The following ABCA13 variants were observed in gnomAD, a reference collection of about 807,000 sequenced individuals.
The protein encoded by ABCA13 is ATP-binding cassette sub-family A member 13.
In ABCA13, 476 loss-of-function variants were observed where a neutral mutation model predicts 478.7. The observed-to-expected ratio is 0.99, with a 90% CI of 0.92 to 1.07. The LOEUF (loss-of-function observed/expected upper bound fraction) is 1.07, where lower values mean the gene tolerates loss of function less well. Among genes scored for constraint, ABCA13 ranks in the 50% least tolerant of loss-of-function variants. The pLI is 0.00. For missense variants in ABCA13, 6,060 were observed against 5,910.6 expected (o/e 1.03, Z -0.83); for synonymous variants, 2,252 against 2,158.9 (o/e 1.04, Z -1.20).
intron 26 of ABCA13, 134 bp from the exon 27 acceptor site, chr7:48,317,023 A>G: frequency 9.2e-7 from 1 of 1,088,440 alleles, no homozygotes; most frequent in Non-Finnish European, 1.3e-6. Flanking sequence ...AGCACTCCCA[A>G]AGTTCAGAGT....
intron 59 of ABCA13, among the ~76,000 whole-genome samples, chr7:48,641,776 C>T (rs1311577094): frequency 6.6e-6 from 1 of 152,166 alleles, no homozygotes; most frequent in African/African-American, 2.4e-5. Context: ...GGTGCTTCAC[C>T]TTGGGAAGCC....
chr7:48,362,409 C>CTTTTATTTTTTTTTTTTTTTTTT (rs1811006300), intron 31 of ABCA13, among the ~76,000 whole-genome samples: 1 of 86,010 alleles, frequency 1.2e-5, no homozygotes, highest in Non-Finnish European at 2.2e-5. Flanking sequence ...TCCTCTTCTT[C>CTTTTATTTTTTTTTTTTTTTTTT]TTTTTTTTTT....
chr7:48,447,048 C>A (rs1824398678), intron 42 of ABCA13, among the ~76,000 whole-genome samples: 1 of 152,188 alleles, frequency 6.6e-6, no homozygotes, highest in Non-Finnish European at 1.5e-5. Flanking sequence ...ATCAGAGCTA[C>A]TAAATAAACC....
chr7:48,431,921 A>G (rs903339455), intron 42 of ABCA13, among the ~76,000 whole-genome samples: 1 of 152,224 alleles, frequency 6.6e-6, no homozygotes, highest in African/African-American at 2.4e-5. Flanking sequence ...TGGCTTCTAC[A>G]TAGATGGCAG....
Position 48,597,037 on chromosome 7 carries a change from C to T in ABCA13, c.14744+2224C>T, listed in dbSNP as rs199601626. On this transcript the variant is annotated intron_variant, in intron 58 of 61. Coordinates refer to ENST00000435803, the MANE Select transcript of ABCA13 (RefSeq NM_152701.5). Reference sequence around the variant, plus strand: ...CACGATCTTGGCTCACTGCAAGCTCCGCCTCCTGGGTTCACGCCATTCTCC... The same window carrying T: ...CACGATCTTGGCTCACTGCAAGCTCTGCCTCCTGGGTTCACGCCATTCTCC... Among the ~76,000 whole-genome samples, 11 of 151,564 alleles carry T rather than the reference C, an allele frequency of 7.3e-5. No homozygotes were observed. The South Asian group carries it at 1.3e-3, about 17-fold the overall frequency.
chr7:48,592,386 A>C (rs1359487114), intron 57 of ABCA13, among the ~76,000 whole-genome samples: 1 of 151,908 alleles, frequency 6.6e-6, no homozygotes, highest in Non-Finnish European at 1.5e-5. Flanking sequence ...TGTGAATTTT[A>C]CAGTTTTCCT....
intron 59 of ABCA13, among the ~76,000 whole-genome samples, chr7:48,634,770 A>G (rs972990894): frequency 2.6e-5 from 4 of 152,226 alleles, no homozygotes; most frequent in Non-Finnish European, 5.9e-5. Flanking sequence ...TATTATTACT[A>G]TAAATGTTTC....
intron 55 of ABCA13, among the ~76,000 whole-genome samples, chr7:48,567,663 G>A (rs1787213373): frequency 6.6e-6 from 1 of 151,270 alleles, no homozygotes; most frequent in African/African-American, 2.4e-5. Context: ...TATAGTATTA[G>A]CATACATGTA....
chr7:48,285,997 G>C (rs889887008), intron 19 of ABCA13, among the ~76,000 whole-genome samples: 1 of 152,180 alleles, frequency 6.6e-6, no homozygotes, highest in African/African-American at 2.4e-5. Flanking sequence ...TGTCTACTCT[G>C]CATTTTATGT....
In ABCA13 at chr7:48,423,967, G is replaced by T. The variant is rs374102314; in HGVS notation, c.12460-3799G>T. On this transcript the variant is annotated intron_variant, in intron 41 of 61. Transcript: ENST00000435803. ...ACTTCTTTTGTATGAAAGTGGGAAG[G>T]TGTAGGTCTTATTTGGTCCATTTGA... Among the ~76,000 whole-genome samples, 12 of 152,312 alleles carry T rather than the reference G, an allele frequency of 7.9e-5. 1 individual carries two copies. The South Asian group carries it at 2.1e-3, about 26-fold the overall frequency.
chr7:48,447,124 G>C (rs1824406403), intron 42 of ABCA13, among the ~76,000 whole-genome samples: 1 of 152,152 alleles, frequency 6.6e-6, no homozygotes, highest in Admixed American at 6.6e-5. Flanking sequence ...ATTCCTGTGA[G>C]ATATTTAACA....
At chr7:48,638,478 T>G (rs754453298) in intron 59 of ABCA13, among the ~76,000 whole-genome samples, 2 of 152,224 alleles carry the variant, frequency 1.3e-5, no homozygotes, top group Non-Finnish European at 2.9e-5. Context: ...AGAGGTTTTC[T>G]TCTCCAGGAG....
chr7:48,336,690 AGCAGTGG>A (rs1280366964), intron 28 of ABCA13, among the ~76,000 whole-genome samples: 1 of 152,208 alleles, frequency 6.6e-6, no homozygotes, highest in East Asian at 1.9e-4. Flanking sequence ...TTCAGAGTGC[AGCAGTGG>A]GCCCTGCCAT....
chr7:48,576,404 A>G (rs1250060122), intron 55 of ABCA13, among the ~76,000 whole-genome samples: 1 of 152,174 alleles, frequency 6.6e-6, no homozygotes, highest in Non-Finnish European at 1.5e-5. Flanking sequence ...GAACCCTACC[A>G]GATTCTCCAT....
chr7:48,328,940 T>C (rs1334147731), intron 27 of ABCA13, among the ~76,000 whole-genome samples: 1 of 152,150 alleles, frequency 6.6e-6, no homozygotes, highest in Non-Finnish European at 1.5e-5. Context: ...GGGAGTGTAT[T>C]CGTGTGAAGT....
At chr7:48,503,132 G>C (rs944291756) in intron 48 of ABCA13, among the ~76,000 whole-genome samples, 1 of 152,118 alleles carries the variant, frequency 6.6e-6, no homozygotes, top group African/African-American at 2.4e-5. Context: ...TGTTGCCCAG[G>C]CTGGAATGCA....
Position 48,524,344 on chromosome 7 carries a change from C to T in ABCA13, c.14148C>T (p.Asp4716=), listed in dbSNP as rs763189076. ...KRVFEGRTNG[D]ILVLYNLSKH... ...TGTTTGAAGGAAGGACCAATGGAGA[C>T]ATTCTTGTGTTATACAACCTTAGTA... The change falls in exon 54 of 62, where the codon GAC becomes GAT. Residue 4716 remains aspartate (D), a synonymous_variant. Transcript: ENST00000435803. 6.2e-7 allele frequency: 1 copy of T among 1,613,092 alleles called. No homozygotes were observed.
chr7:48,608,963 T>C (rs959457042), intron 58 of ABCA13, among the ~76,000 whole-genome samples: 2 of 152,232 alleles, frequency 1.3e-5, no homozygotes, highest in East Asian at 3.8e-4. Context: ...GTTGTTGTTG[T>C]TGTTTTTCTT....
intron 24 of ABCA13, among the ~76,000 whole-genome samples, chr7:48,310,378 G>T (rs1361873760): frequency 6.6e-6 from 1 of 152,178 alleles, no homozygotes; most frequent in Non-Finnish European, 1.5e-5. Context: ...GGAAATAAGT[G>T]TCAGGGCATT....
Sources: allele counts gnomAD v4.1 joint callset (sites outside exome capture counted in the v4.1 genomes callset), GRCh38; gene constraint gnomAD v4.1.1; transcripts MANE v1.5; gene names NCBI Gene and HGNC (gene_info 2026-07-23, HGNC 2026-07-21).